Variants in TLDC2 observed in about 807,000 individuals in gnomAD.
TLDC2 encodes TLD domain-containing protein 2.
A neutral mutation model predicts 27.9 loss-of-function variants in TLDC2; 23 were observed. That is an observed-to-expected ratio of 0.82 (90% CI 0.59 to 1.17). The LOEUF (loss-of-function observed/expected upper bound fraction) is 1.17. Ranked by LOEUF, TLDC2 falls within the 50% of genes most tolerant of loss-of-function variation. TLDC2 has a pLI of 0.00. For synonymous variants in TLDC2, 124 were observed against 107.4 expected (o/e 1.16, Z -0.96); for missense variants, 286 against 273.4 (o/e 1.05, Z -0.32).
At chr20:36,891,639 G>A (rs1236857654) in intron 6 of TLDC2, 1 of 152,282 alleles carries the variant, frequency 6.6e-6, no homozygotes, top group Non-Finnish European at 1.5e-5. Context: ...ACCTAGCGGA[G>A]CCTGGAGCCC....
Position 36,889,482 on chromosome 20 carries a change from A to G in TLDC2, c.*17+79A>G, listed in dbSNP as rs1183315636. ...GTGCTGTTTGAAACACAGATGGTGA[A>G]GGGCCCTAGAGTTGGCCGAGGCTGC... On this transcript the variant is annotated intron_variant, in intron 6 of 6. Coordinates refer to ENST00000217320, the MANE Select transcript of TLDC2 (RefSeq NM_080628.3). The G allele has an allele frequency of 4.0e-6, 6 of 1,487,838 alleles. No individual in the cohort carries two copies. In the East Asian group the frequency reaches 1.5e-4, roughly 36 times the overall value. 92.2% of individuals were successfully genotyped at this position (1,487,838 alleles called of 1,614,324 possible). A position where few individuals can be genotyped will look rare whatever the true frequency, so the allele number is the denominator to read the frequency against.
chr20:36,878,157 G>C, intron 2 of TLDC2, 103 bp downstream of exon 2: 2 of 1,317,706 alleles, frequency 1.5e-6, no homozygotes, highest in Non-Finnish European at 2.0e-6. Context: ...AGTCACTCTT[G>C]CTCTGTTCTC....
intron 4 of TLDC2, among the ~76,000 whole-genome samples, chr20:36,885,636 G>C (rs1016082784): frequency 4.6e-5 from 7 of 152,162 alleles, no homozygotes; most frequent in African/African-American, 1.7e-4. Context: ...AGCATAGGAC[G>C]TATCTTTTAT....
intron 1 of TLDC2, 143 bp from the exon 2 acceptor site, chr20:36,877,756 C>T (rs896491499): frequency 3.1e-6 from 3 of 975,030 alleles, no homozygotes; most frequent in Non-Finnish European, 4.5e-6. Flanking sequence ...TGGAAACCCC[C>T]AACTACCCTG....
chr20:36,880,083 A>ATATATATATGTGTGTG (rs1208917562), intron 3 of TLDC2, among the ~76,000 whole-genome samples: 1,575 of 35,934 alleles, frequency 0.044, 71 homozygotes, highest in Middle Eastern at 0.17. Context: ...ATATATATAT[A>ATATATATATGTGTGTG]TATATATATA....
chr20:36,876,173 G>A lies in TLDC2; in HGVS notation c.-2G>A, dbSNP rs753051883. The A allele has an allele frequency of 1.9e-6, 3 of 1,614,202 alleles. No homozygotes were observed. Among genetic ancestry groups the A allele is most frequent in the Non-Finnish European group, 2.5e-6 (3 of 1,180,024 alleles). ...CACGGCCGGCTGAGCAGGGACAGGA[G>A]AATGAGAGGCCTCCGCTGGCGTTAC... On this transcript the variant is annotated 5_prime_UTR_variant, in exon 1 of 7. Transcript: ENST00000217320.
In TLDC2 at chr20:36,887,409, G is replaced by C. The variant is rs1489945145; in HGVS notation, c.439-46G>C. 4 of 1,556,354 alleles carry C rather than the reference G, an allele frequency of 2.6e-6. No individual in the cohort carries two copies. The South Asian group carries it at 4.5e-5, about 17-fold the overall frequency. ...GTTCGGGGTCAAACTGCAAGGGCGG[G>C]ACTCGCTCGCTTAGTAACCTGAGCC... On this transcript the variant is annotated intron_variant, in intron 4 of 6. Coordinates refer to ENST00000217320, the MANE Select transcript of TLDC2 (RefSeq NM_080628.3).
chr20:36,880,378 G>A (rs916541061), intron 3 of TLDC2, among the ~76,000 whole-genome samples: 2 of 152,118 alleles, frequency 1.3e-5, no homozygotes, highest in Non-Finnish European at 2.9e-5. Flanking sequence ...TTACAGGCAT[G>A]AGCCATCACG....
At chr20:36,876,282 G>T (rs1053687871) in intron 1 of TLDC2, 75 bp downstream of exon 1, 5 of 1,599,678 alleles carry the variant, frequency 3.1e-6, no homozygotes, top group Non-Finnish European at 4.3e-6. Context: ...GGTGGGGCCT[G>T]GGCTAGGGTT....
intron 4 of TLDC2, among the ~76,000 whole-genome samples, chr20:36,884,643 A>G (rs1225388135): frequency 6.6e-6 from 1 of 151,952 alleles, no homozygotes; most frequent in Admixed American, 6.6e-5. Flanking sequence ...CTGTAGTCCC[A>G]GCTACCCCTG....
intron 1 of TLDC2, 60 bp from the exon 2 acceptor site, chr20:36,877,839 G>A: frequency 2.6e-6 from 4 of 1,554,056 alleles, no homozygotes; most frequent in Non-Finnish European, 2.6e-6. Flanking sequence ...GGGCTCAGGA[G>A]ATGGTAGAAG....
At position 36,893,783 on chromosome 20, in the gene TLDC2, C is replaced by T. The variant is rs1272225980; in HGVS notation, c.*939C>T. ...TGCTGGTGGGAGGATTCGTGCTCCT[C>T]ATCTGCTTATTTGCTCTCAGATCCA... On this transcript the variant is annotated 3_prime_UTR_variant, in exon 7 of 7. Coordinates refer to ENST00000217320, the MANE Select transcript of TLDC2 (RefSeq NM_080628.3). The T allele has an allele frequency of 2.5e-6, 1 of 397,482 alleles. No homozygotes were observed. Among genetic ancestry groups the T allele is most frequent in the Non-Finnish European group, 4.4e-6 (1 of 225,668 alleles). 24.6% of individuals were successfully genotyped at this position (397,482 alleles called of 1,614,324 possible). A position where few individuals can be genotyped will look rare whatever the true frequency, so the allele number is the denominator to read the frequency against.
intron 1 of TLDC2, among the ~76,000 whole-genome samples, 166 bp downstream of exon 1, chr20:36,876,373 A>G (rs1005456273): frequency 6.6e-5 from 10 of 152,174 alleles, no homozygotes; most frequent in African/African-American, 1.9e-4. Flanking sequence ...ACTCAGGAAC[A>G]TGGGGTCTTA....
intron 2 of TLDC2, among the ~76,000 whole-genome samples, chr20:36,878,532 G>T (rs907242739): frequency 3.9e-5 from 6 of 152,106 alleles, no homozygotes; most frequent in African/African-American, 1.4e-4. Context: ...AGTGAGCTGA[G>T]ATTGTGTCAC....
At chr20:36,887,403 G>T in intron 4 of TLDC2, 52 bp from the exon 5 acceptor site, 2 of 1,535,506 alleles carry the variant, frequency 1.3e-6, no homozygotes, top group South Asian at 1.1e-5. Context: ...CAAACTGCAA[G>T]GGCGGGACTC....
At chr20:36,880,275 G>T (rs1398985468) in intron 3 of TLDC2, among the ~76,000 whole-genome samples, 1 of 151,344 alleles carries the variant, frequency 6.6e-6, no homozygotes, top group African/African-American at 2.4e-5. Context: ...TGTATGTTTA[G>T]TAGAGACAGG....
intron 6 of TLDC2, 126 bp from the exon 7 acceptor site, chr20:36,892,736 T>C: frequency 1.4e-6 from 1 of 694,524 alleles, no homozygotes; most frequent in Non-Finnish European, 2.6e-6. Flanking sequence ...GGCAAGGTAA[T>C]GCTTTTCATA....
rs2148348339 is a variant in TLDC2, at chr20:36,887,526, C to A, written c.510C>A (p.Gly170=). ...GDLDSLMMGS[G]SGRFGLWLDG... is the part of the protein sequence containing the mutation. The stretch of plus-strand genomic sequence containing the variant: ...TGGATTCACTGATGATGGGCAGTGG[C>A]AGGTGAGTGTCTCAGTCTTCCCGAG... The change falls in exon 5 of 7, where the codon GGC becomes GGA. Residue 170 remains glycine, a splice_region_variant and synonymous_variant. Coordinates refer to ENST00000217320, the MANE Select transcript of TLDC2 (RefSeq NM_080628.3). 6.2e-7 allele frequency: 1 copy of A among 1,613,652 alleles called. No homozygotes were observed. Among genetic ancestry groups the A allele is most frequent in the Non-Finnish European group, 8.5e-7 (1 of 1,179,558 alleles).
intron 3 of TLDC2, among the ~76,000 whole-genome samples, chr20:36,880,070 CATATATAT>C (rs1186641126): frequency 0.13 from 9,192 of 73,062 alleles, 802 homozygotes; most frequent in South Asian, 0.15. Flanking sequence ...TATATATATA[CATATATAT>C]ATATATATAT....
Sources: gnomAD v4.1 joint callset for allele counts (sites outside exome capture counted in the v4.1 genomes callset) on GRCh38, gnomAD v4.1.1 for gene constraint, MANE v1.5 for transcripts, NCBI Gene and HGNC (gene_info 2026-07-23, HGNC 2026-07-21) for gene names.